Variants in KCNQ1 observed in about 807,000 individuals in gnomAD.
KCNQ1 encodes the protein potassium voltage-gated channel subfamily Q member 1.
Under a neutral mutation model 72.4 loss-of-function variants are expected in KCNQ1, and 49 were observed. The ratio of observed to expected loss-of-function variants is 0.68; its 90% CI spans 0.54 to 0.86. The LOEUF (loss-of-function observed/expected upper bound fraction) is 0.86, where lower values mean the gene tolerates loss of function less well. Among genes scored for constraint, KCNQ1 ranks in the 40% least tolerant of loss-of-function variants. The pLI is 0.00. For missense variants in KCNQ1, 790 were observed against 945.1 expected, an observed-to-expected ratio of 0.84 and a Z score of 2.15; for synonymous variants, 450 against 412.6, an observed-to-expected ratio of 1.09 and a Z score of -1.10.
intron 15 of KCNQ1, among the ~76,000 whole-genome samples, chr11:2,812,560 C>T (rs1045081844): frequency 2.0e-5 from 3 of 152,236 alleles, no homozygotes; most frequent in Admixed American, 6.5e-5. Context: ...AGCTCCTTCC[C>T]GGAGAGGAGG....
chr11:2,541,138 G>A lies in KCNQ1; in HGVS notation c.477+13120G>A, dbSNP rs1847816280. 6.6e-6 allele frequency among the ~76,000 whole-genome samples: 1 copy of A among 152,256 alleles called. No individual in the cohort carries two copies. Among genetic ancestry groups the A allele is most frequent in the African/African-American group, 2.4e-5 (1 of 41,472 alleles). On this transcript the variant is annotated intron_variant, in intron 2 of 15. Transcript: ENST00000155840. The surrounding 1 kb of genome is among the most constrained non-coding windows in gnomAD (Gnocchi z 4.8). ...CCAGCCCTGGACCTCAGGCAGGCAGGGAGAGAGACCCCCTTGGGGCCGCGT... is the reference window on the plus strand; with the variant it reads ...CCAGCCCTGGACCTCAGGCAGGCAGAGAGAGAGACCCCCTTGGGGCCGCGT...
chr11:2,484,251 C>A lies in KCNQ1; in HGVS notation c.386+38767C>A, dbSNP rs1214498359. 6.6e-6 allele frequency among the ~76,000 whole-genome samples: 1 copy of A among 152,106 alleles called. No homozygotes were observed. Among genetic ancestry groups the A allele is most frequent in the Non-Finnish European group, 1.5e-5 (1 of 68,028 alleles). On this transcript the variant is annotated intron_variant, in intron 1 of 15. Transcript: ENST00000155840. The surrounding 1 kb of genome is among the most constrained non-coding windows in gnomAD (Gnocchi z 5.2). ...TGATCTCGGCTCACTGAAACCTCTGCCTCCGGGGTTCAAGTGATTCTCCTG... is the reference window on the plus strand; with the variant it reads ...TGATCTCGGCTCACTGAAACCTCTGACTCCGGGGTTCAAGTGATTCTCCTG...
rs1564837612 is a variant in KCNQ1, at chr11:2,626,452, C to T, written c.1394-35509C>T. The T allele has an allele frequency of 2.5e-6, 1 of 398,512 alleles. No homozygotes were observed. Among genetic ancestry groups the T allele is most frequent in the African/African-American group, 2.1e-5 (1 of 48,634 alleles). The allele number at this position is 398,512 out of a possible 1,614,324, so 24.7% of individuals were successfully genotyped here. A position where few individuals can be genotyped will look rare whatever the true frequency, so the allele number is the denominator to read the frequency against. On this transcript the variant is annotated intron_variant, in intron 10 of 15. Coordinates refer to ENST00000155840, the MANE Select transcript of KCNQ1 (RefSeq NM_000218.3). The surrounding 1 kb of genome is among the most constrained non-coding windows in gnomAD (Gnocchi z 4.0). Reference sequence around the variant, plus strand: ...GTATACAAGGGTTTATTTTTGGGCTCTCTATTCAATTCCATTGGTCTCTAC... The same window carrying T: ...GTATACAAGGGTTTATTTTTGGGCTTTCTATTCAATTCCATTGGTCTCTAC...
In KCNQ1 at chr11:2,695,298, C is replaced by T; in HGVS notation, c.1514+33217C>T. ...ATCCTTGCTCTCCTCCCTACACAAACAGCTTCTCCAGGGTAATTTATTTAT... is the reference window on the plus strand; with the variant it reads ...ATCCTTGCTCTCCTCCCTACACAAATAGCTTCTCCAGGGTAATTTATTTAT... On this transcript the variant is annotated intron_variant, in intron 11 of 15. Transcript: ENST00000155840. This position sits in a 1 kb window ranked among gnomAD's most constrained non-coding sequence, Gnocchi z 5.2. 2 of 398,436 alleles carry T rather than the reference C, an allele frequency of 5.0e-6. No individual in the cohort carries two copies. Among genetic ancestry groups the T allele is most frequent in the Non-Finnish European group, 8.8e-6 (2 of 226,110 alleles). 24.7% of individuals were successfully genotyped at this position (398,436 alleles called of 1,614,324 possible).
rs1846663136 is a variant in KCNQ1 at position 2,482,306 on chromosome 11, C to T, written c.386+36822C>T. Among the ~76,000 whole-genome samples the T allele has an allele frequency of 1.3e-5, 2 of 152,174 alleles. No homozygotes were observed. The highest frequency in any genetic ancestry group is 4.1e-4 in the South Asian group (2 of 4,824). On this transcript the variant is annotated intron_variant, in intron 1 of 15. Coordinates refer to ENST00000155840, the MANE Select transcript of KCNQ1 (RefSeq NM_000218.3). The surrounding 1 kb of genome is among the most constrained non-coding windows in gnomAD (Gnocchi z 5.7). ...ATTTGTATCTTCTTACCTTTTGACA[C>T]ATGGCAGACATGTCTCACATCTGTT...
At chr11:2,801,177 C>T (rs1336492969) in intron 15 of KCNQ1, among the ~76,000 whole-genome samples, 1 of 152,162 alleles carries the variant, frequency 6.6e-6, no homozygotes, top group East Asian at 1.9e-4. Flanking sequence ...CAGACCAGCC[C>T]CCTAGAGGCT....
rs532371880 is a variant in KCNQ1 at position 2,529,083 on chromosome 11, G to A, written c.477+1065G>A. Among the ~76,000 whole-genome samples the A allele has an allele frequency of 1.5e-3, 234 of 152,280 alleles. 1 individual carries two copies. The highest frequency in any genetic ancestry group is 2.6e-3 in the Non-Finnish European group (180 of 68,034). On this transcript the variant is annotated intron_variant, in intron 2 of 15. Coordinates refer to ENST00000155840, the MANE Select transcript of KCNQ1 (RefSeq NM_000218.3). ...ACAGGCCTGCTGTCACTCTTCCCTC[G>A]TCTTCCCAGTTCTCCCAGCACTATG... is the stretch of plus-strand genomic sequence containing the variant.
rs1848254486 is a variant in KCNQ1 at position 2,566,781 on chromosome 11, A to G, written c.478-3847A>G. Among the ~76,000 whole-genome samples, 1 of 152,076 alleles carries G rather than the reference A, an allele frequency of 6.6e-6. No homozygotes were observed. The highest frequency in any genetic ancestry group is 2.4e-5 in the African/African-American group (1 of 41,412). On this transcript the variant is annotated intron_variant, in intron 2 of 15. Transcript: ENST00000155840. The surrounding 1 kb of genome is among the most constrained non-coding windows in gnomAD (Gnocchi z 6.7). ...ACCCCGGGGGGCTTGCAGGCACCAC[A>G]TAGATCTTGTGAGAGGCGCTTTGTG...
intron 11 of KCNQ1, chr11:2,693,272 A>G (rs998102243): frequency 7.5e-6 from 3 of 398,614 alleles, no homozygotes; most frequent in Non-Finnish European, 1.3e-5. Context: ...TTAACAACTC[A>G]GATGCACACC....
intron 1 of KCNQ1, among the ~76,000 whole-genome samples, chr11:2,461,054 C>T (rs531562917): frequency 3.2e-4 from 48 of 152,248 alleles, no homozygotes; most frequent in Admixed American, 7.8e-4. Context: ...CCAGGAGTGG[C>T]GATCTGTGAG....
intron 11 of KCNQ1, among the ~76,000 whole-genome samples, chr11:2,726,969 G>A (rs1379859585): frequency 6.6e-6 from 1 of 152,226 alleles, no homozygotes; most frequent in East Asian, 1.9e-4. Context: ...CCTGCCCCCA[G>A]GTGAAGGGTT....
chr11:2,696,143 T>C (rs549024876), intron 11 of KCNQ1: 9 of 398,640 alleles, frequency 2.3e-5, no homozygotes, highest in Non-Finnish European at 4.4e-6. Flanking sequence ...TACATTTTAG[T>C]CTTGAGGTTT....
chr11:2,445,577 G>T, intron 1 of KCNQ1, 93 bp downstream of exon 1: 1 of 1,423,420 alleles, frequency 7.0e-7, no homozygotes, highest in Non-Finnish European at 9.6e-7. Flanking sequence ...CCCCGTCGGA[G>T]CTGCGACCCC....
intron 1 of KCNQ1, among the ~76,000 whole-genome samples, chr11:2,489,439 C>G (rs1387834363): frequency 1.3e-5 from 2 of 152,294 alleles, no homozygotes; most frequent in African/African-American, 4.8e-5. Context: ...CTAAAGTGCT[C>G]TGGGGTTCTA....
intron 7 of KCNQ1, 105 bp from the exon 8 acceptor site, chr11:2,585,106 AC>A: frequency 2.0e-6 from 2 of 1,003,816 alleles, no homozygotes; most frequent in Non-Finnish European, 3.2e-6. Flanking sequence ...TCCAGCACTG[AC>A]CATACCTGGC....
At chr11:2,594,428 G>A (rs1589972673) in intron 10 of KCNQ1, among the ~76,000 whole-genome samples, 4 of 152,138 alleles carry the variant, frequency 2.6e-5, no homozygotes, top group African/African-American at 4.8e-5. Flanking sequence ...CCTACACTTT[G>A]TTGTGATTCC....
At chr11:2,634,751 C>G (rs1205527267) in intron 10 of KCNQ1, 2 of 152,222 alleles carry the variant, frequency 1.3e-5, no homozygotes, top group African/African-American at 4.8e-5. Context: ...TGAGGAATCA[C>G]CACACTGTCT....
rs551695922 is a variant in KCNQ1 at position 2,645,649 on chromosome 11, C to T, written c.1394-16312C>T. On this transcript the variant is annotated intron_variant, in intron 10 of 15. Transcript: ENST00000155840. This position sits in a 1 kb window ranked among gnomAD's most constrained non-coding sequence, Gnocchi z 5.8. ...ACCTTTCCTCATGGCAGCCTTGCTTCGGAGGTAGCAGAGTATTGCCAATGG... is the reference window on the plus strand; with the variant it reads ...ACCTTTCCTCATGGCAGCCTTGCTTTGGAGGTAGCAGAGTATTGCCAATGG... 2.0e-4 allele frequency: 80 copies of T among 398,672 alleles called. No individual in the cohort carries two copies. Among genetic ancestry groups the T allele is most frequent in the African/African-American group, 1.4e-3 (69 of 48,714 alleles). 24.7% of individuals were successfully genotyped at this position (398,672 alleles called of 1,614,324 possible).
chr11:2,591,793 T>C (rs1282536802), intron 10 of KCNQ1, among the ~76,000 whole-genome samples: 3 of 152,264 alleles, frequency 2.0e-5, no homozygotes, highest in Admixed American at 6.5e-5. Flanking sequence ...TGGAGTTTGT[T>C]CTTTCCTAAC....
Sources: allele counts gnomAD v4.1 joint callset (sites outside exome capture counted in the v4.1 genomes callset), GRCh38; gene constraint gnomAD v4.1.1; non-coding constraint Gnocchi (gnomAD v3.1); transcripts MANE v1.5; gene names NCBI Gene and HGNC (gene_info 2026-07-23, HGNC 2026-07-21).